SZT2: variants seen among roughly 807,000 people sequenced by gnomAD.
SZT2 encodes the protein SZT2 subunit of KICSTOR complex, also known as KICSTOR complex protein SZT2.
Under a neutral mutation model 404.2 loss-of-function variants are expected in SZT2, and 216 were observed. That is an observed-to-expected ratio of 0.53 (90% confidence interval 0.48 to 0.60). The LOEUF (loss-of-function observed/expected upper bound fraction) is 0.60. Among genes scored for constraint, SZT2 ranks in the 20% least tolerant of loss-of-function variants. SZT2 has a pLI of 0.00. For missense variants in SZT2, 3,857 were observed against 4,459.2 expected (o/e 0.86, Z 3.85); for synonymous variants, 1,693 against 1,749.9 (o/e 0.97, Z 0.81).
In SZT2 at chr1:43,442,904, G is replaced by C; in HGVS notation, c.8237G>C (p.Arg2746Pro). The C allele has an allele frequency of 6.2e-7, 1 of 1,614,090 alleles. No homozygotes were observed. Among genetic ancestry groups the C allele is most frequent in the Non-Finnish European group, 8.5e-7 (1 of 1,179,974 alleles). The stretch of plus-strand genomic sequence containing the variant: ...CCCCCGCTGAGCCGTGAGCAGGGCC[G>C]ACTGAGTGGGTCCTCTCGTGGTGGG... ...ASPPLSREQG[R>P]LSGSSRGGGP... The change falls in exon 59 of 72, where the codon CGA (arginine) becomes CCA (proline). Residue 2746 changes from arginine to proline, a missense_variant. By Grantham distance (103) the Arg-to-Pro change is moderately radical. This residue lies in a region of SZT2 where 573 missense variants were observed against 592.4 expected (regional missense o/e 0.97). Transcript: ENST00000634258. This position sits in a 1 kb window ranked among gnomAD's most constrained non-coding sequence, Gnocchi z 4.5.
intron 70 of SZT2, chr1:43,449,810 G>T (rs914869785): frequency 9.8e-6 from 5 of 510,796 alleles, no homozygotes; most frequent in African/African-American, 9.6e-5. Flanking sequence ...CAAGGAGGTT[G>T]TGCCAGGGGT....
intron 1 of SZT2, among the ~76,000 whole-genome samples, 200 bp downstream of exon 1, chr1:43,390,195 C>T (rs1648116412): frequency 6.6e-6 from 1 of 152,230 alleles, no homozygotes. Flanking sequence ...CCTCGGGGAG[C>T]TAAAGGAGTA....
intron 1 of SZT2, among the ~76,000 whole-genome samples, chr1:43,400,193 G>A (rs942454807): frequency 3.9e-5 from 6 of 152,054 alleles, no homozygotes; most frequent in Non-Finnish European, 8.8e-5. Flanking sequence ...GCCCGCTTTG[G>A]CCTCCCAAAG....
chr1:43,426,861 C>A lies in SZT2; in HGVS notation c.3309+52C>A. ...CCTTGTCACACTGACCTCCTTCCAG[C>A]ACCACATCTTCAGGCCCCAACCTTC... On this transcript the variant is annotated intron_variant, in intron 23 of 71. Coordinates refer to ENST00000634258, the MANE Select transcript of SZT2 (RefSeq NM_001365999.1). The surrounding 1 kb of genome is among the most constrained non-coding windows in gnomAD (Gnocchi z 4.9). 1.3e-6 allele frequency: 2 copies of A among 1,585,414 alleles called. No individual in the cohort carries two copies. Among genetic ancestry groups the A allele is most frequent in the African/African-American group, 1.3e-5 (1 of 74,444 alleles).
chr1:43,411,769 CTTTTTT>C (rs386366817), intron 4 of SZT2, among the ~76,000 whole-genome samples: 8 of 74,046 alleles, frequency 1.1e-4, no homozygotes, highest in African/African-American at 3.8e-4. Flanking sequence ...CATCCACTAT[CTTTTTT>C]TTTTTTTTTT....
At position 43,403,594 on chromosome 1, in the gene SZT2, T is replaced by C; in HGVS notation, c.154-7T>C. 6.2e-7 allele frequency: 1 copy of C among 1,606,918 alleles called. No individual in the cohort carries two copies. The highest frequency in any genetic ancestry group is 1.1e-5 in the South Asian group (1 of 90,976). ...TCCTTTCCTTTTCTTTCCATCCTAA[T>C]TTTCAGCTTCAGTCTGAACAGGAAT... On this transcript the variant is annotated splice_polypyrimidine_tract_variant and splice_region_variant and intron_variant, in intron 2 of 71. Coordinates refer to ENST00000634258, the MANE Select transcript of SZT2 (RefSeq NM_001365999.1).
Position 43,419,909 on chromosome 1 carries a change from G to A in SZT2, c.1055G>A (p.Arg352His), listed in dbSNP as rs371878968. ...HRAFLLYSFL[R>H]SGEALNPEYY... ...GCATTTCTCCTCTATTCCTTCCTGC[G>A]CAGTGGGGAAGCACTGAACCCTGAA... is the stretch of plus-strand genomic sequence containing the variant. Residue 352 changes from arginine to histidine, a missense_variant, in exon 8 of 72, where the codon CGC (arginine) becomes CAC (histidine). Around this residue, in one of 7 missense-constraint regions of SZT2, gnomAD observed 536 missense variants for 637.4 expected, o/e 0.84. Transcript: ENST00000634258. 37 of 1,598,336 alleles carry A rather than the reference G, an allele frequency of 2.3e-5. No individual in the cohort carries two copies. The highest frequency in any genetic ancestry group is 3.3e-5 in the Admixed American group (2 of 60,016).
intron 4 of SZT2, among the ~76,000 whole-genome samples, chr1:43,411,434 A>G (rs1041734077): frequency 6.6e-6 from 1 of 152,330 alleles, no homozygotes; most frequent in Middle Eastern, 3.4e-3. Context: ...TGAAGCTTCC[A>G]GCCCTTTCCA....
chr1:43,424,778 C>T lies in SZT2; in HGVS notation c.2472-6C>T. The T allele has an allele frequency of 6.2e-7, 1 of 1,613,760 alleles. No individual in the cohort carries two copies. Among genetic ancestry groups the T allele is most frequent in the Non-Finnish European group, 8.5e-7 (1 of 1,179,702 alleles). On this transcript the variant is annotated splice_region_variant and splice_polypyrimidine_tract_variant and intron_variant, in intron 16 of 71. Coordinates refer to ENST00000634258, the MANE Select transcript of SZT2 (RefSeq NM_001365999.1). This position sits in a 1 kb window ranked among gnomAD's most constrained non-coding sequence, Gnocchi z 4.1. Reference sequence around the variant, plus strand: ...TGGCCTTGCCCCGGCCTTTATGGGGCTTCAGAGTCCGACTTTCTGAAGGAT... The same window carrying T: ...TGGCCTTGCCCCGGCCTTTATGGGGTTTCAGAGTCCGACTTTCTGAAGGAT...
At chr1:43,405,566 C>T (rs1650202917) in intron 4 of SZT2, 2 of 152,242 alleles carry the variant, frequency 1.3e-5, no homozygotes, top group Admixed American at 1.3e-4. Context: ...TGCATTGTCA[C>T]CTTAGCTATC....
Position 43,397,034 on chromosome 1 carries a change from C to G in SZT2, c.28-6143C>G, listed in dbSNP as rs117908681. 1.1e-4 allele frequency among the ~76,000 whole-genome samples: 16 copies of G among 152,298 alleles called. No homozygotes were observed. The East Asian group carries it at 2.9e-3, about 27-fold the overall frequency. On this transcript the variant is annotated intron_variant, in intron 1 of 71. Transcript: ENST00000634258. ...AGAATAGCTGGAAACAGAATAAATACAGCTTGTGAGATTAGTTTTCCTTGT... is the reference window on the plus strand; with the variant it reads ...AGAATAGCTGGAAACAGAATAAATAGAGCTTGTGAGATTAGTTTTCCTTGT...
rs367775055 is a variant in SZT2 at position 43,447,173 on chromosome 1, G to A, written c.9286+5G>A. 1.7e-4 allele frequency: 271 copies of A among 1,608,234 alleles called. 1 individual carries two copies. Among genetic ancestry groups the A allele is most frequent in the Non-Finnish European group, 2.1e-4 (247 of 1,178,444 alleles). Reference sequence around the variant, plus strand: ...GCCGCAATCACATTTACCAAGGTCAGTGCCCAAGGGCAAGCCAGTGAACCC... The same window carrying A: ...GCCGCAATCACATTTACCAAGGTCAATGCCCAAGGGCAAGCCAGTGAACCC... On this transcript the variant is annotated splice_donor_5th_base_variant and intron_variant, in intron 66 of 71. Coordinates refer to ENST00000634258, the MANE Select transcript of SZT2 (RefSeq NM_001365999.1).
chr1:43,390,967 G>A (rs1020488890), intron 1 of SZT2, among the ~76,000 whole-genome samples: 8 of 152,126 alleles, frequency 5.3e-5, no homozygotes, highest in Non-Finnish European at 8.8e-5. Context: ...CCTATGAAGT[G>A]GACACTGTAT....
At position 43,446,322 on chromosome 1, in the gene SZT2, C is replaced by T; in HGVS notation, c.8998-20C>T. 1 of 1,614,248 alleles carries T rather than the reference C, an allele frequency of 6.2e-7. No homozygotes were observed. The highest frequency in any genetic ancestry group is 8.5e-7 in the Non-Finnish European group (1 of 1,180,042). ...CACCTGTCTCTCGCCTTCCTGATCT[C>T]ATCTTCACCTTCCCTCCAGGGCTGT... On this transcript the variant is annotated intron_variant, in intron 64 of 71. Coordinates refer to ENST00000634258, the MANE Select transcript of SZT2 (RefSeq NM_001365999.1).
At position 43,441,296 on chromosome 1, in the gene SZT2, G is replaced by A; in HGVS notation, c.7427G>A (p.Arg2476Gln). 5 of 1,614,232 alleles carry A rather than the reference G, an allele frequency of 3.1e-6. No individual in the cohort carries two copies. Among genetic ancestry groups the A allele is most frequent in the Admixed American group, 1.7e-5 (1 of 60,026 alleles). The change falls in exon 53 of 72, where the codon CGG becomes CAG. Residue 2476 changes from arginine to glutamine, a missense_variant. Around this residue, in one of 7 missense-constraint regions of SZT2, gnomAD observed 573 missense variants for 592.4 expected, o/e 0.97. Coordinates refer to ENST00000634258, the MANE Select transcript of SZT2 (RefSeq NM_001365999.1). This position sits in a 1 kb window ranked among gnomAD's most constrained non-coding sequence, Gnocchi z 4.8. ...GATCGGCCAGAAGACACTCGGGGCC[G>A]GAGGCGTCACAAAACCGAGAGTGTT... is the stretch of plus-strand genomic sequence containing the variant. Reference protein sequence around the residue: ...VLDRPEDTRGRRRHKTESVRT... With the variant: ...VLDRPEDTRGQRRHKTESVRT...
chr1:43,422,747 ACT>A lies in SZT2; in HGVS notation c.1923-21_1923-20del. On this transcript the variant is annotated intron_variant, in intron 13 of 71. Coordinates refer to ENST00000634258, the MANE Select transcript of SZT2 (RefSeq NM_001365999.1). ...ACTTCCTGCCAACCTTGGGCTGCTC[ACT>A]GACTCCCATTTCTCCCCAGTGCCCC... 1 of 1,476,044 alleles carries A rather than the reference ACT, an allele frequency of 6.8e-7. No homozygotes were observed. The allele number at this position is 1,476,044 out of a possible 1,614,324, so 91.4% of individuals were successfully genotyped here. A position where few individuals can be genotyped will look rare whatever the true frequency, so the allele number is the denominator to read the frequency against.
chr1:43,432,416 A>G lies in SZT2; in HGVS notation c.5419A>G (p.Arg1807Gly). The change falls in exon 37 of 72, where the codon AGG becomes GGG. Residue 1807 changes from arginine to glycine, a missense_variant. Physicochemically the swap from Arg to Gly is moderately radical, Grantham distance 125. This residue lies in a region of SZT2 where 1,725 missense variants were observed against 1,881.0 expected (regional missense o/e 0.92). Coordinates refer to ENST00000634258, the MANE Select transcript of SZT2 (RefSeq NM_001365999.1). ...CTGGGCTTGGCACAGTCATGAGGAC[A>G]GGGCTGAAGGCATCGAAGGGGAGGT... Reference protein sequence around the residue: ...AAWAWHSHEDRAEGIEGETLT... With the variant: ...AAWAWHSHEDGAEGIEGETLT... 3.2e-6 allele frequency: 5 copies of G among 1,566,710 alleles called. No homozygotes were observed. The highest frequency in any genetic ancestry group is 2.6e-6 in the Non-Finnish European group (3 of 1,158,154).
At chr1:43,422,394 G>A in intron 12 of SZT2, 86 bp from the exon 13 acceptor site, 1 of 1,505,742 alleles carries the variant, frequency 6.6e-7, no homozygotes, top group East Asian at 2.3e-5. Context: ...CTCAGGCAAG[G>A]CCTAGAAGAG....
intron 7 of SZT2, 54 bp downstream of exon 7, chr1:43,416,695 G>T: frequency 7.2e-7 from 1 of 1,395,808 alleles, no homozygotes; most frequent in East Asian, 2.4e-5. Flanking sequence ...ACACAAAGTT[G>T]GGATGGCTGA....
Sources: gnomAD v4.1 joint callset for allele counts (sites outside exome capture counted in the v4.1 genomes callset) on GRCh38, gnomAD v4.1.1 for gene constraint, gnomAD v4.1.1 regional missense constraint, Gnocchi (gnomAD v3.1) non-coding constraint, MANE v1.5 for transcripts, NCBI Gene and HGNC (gene_info 2026-07-23, HGNC 2026-07-21) for gene names.